The following TG variants were observed in gnomAD, a reference collection of about 807,000 sequenced individuals.
The protein encoded by TG is thyroid hormones.
In TG, 270 loss-of-function variants were observed where a neutral mutation model predicts 324.7. The observed-to-expected ratio is 0.83, with a 90% CI of 0.75 to 0.92. TG has a LOEUF of 0.92. Ranked by LOEUF, TG falls within the 40% of genes least tolerant of loss-of-function variation. TG has a pLI of 0.00. For synonymous variants in TG, 1,401 were observed against 1,327.0 expected (o/e 1.06, Z -1.21); for missense variants, 3,591 against 3,456.4 (o/e 1.04, Z -0.98).
rs2132228186 is a variant in TG at position 132,893,828 on chromosome 8, A to G, written c.2900A>G (p.Asn967Ser). The G allele has an allele frequency of 6.2e-7, 1 of 1,613,940 alleles. No homozygotes were observed. The highest frequency in any genetic ancestry group is 8.5e-7 in the Non-Finnish European group (1 of 1,179,914). The change falls in exon 11 of 48, where the codon AAT becomes AGT. Residue 967 changes from asparagine (N) to serine (S), a missense_variant. Asn to Ser is a conservative substitution (Grantham distance 46). Coordinates refer to ENST00000220616, the MANE Select transcript of TG (RefSeq NM_003235.5). ...GTGGCCAAGGGAATCCGGCTGAGGA[A>G]TGAGGACCTCGGCCTTCCTCCGCTC... ...FLVAKGIRLR[N>S]EDLGLPPLFP...
At chr8:132,977,785 C>A (rs753869567) in intron 34 of TG, among the ~76,000 whole-genome samples, 6 of 152,134 alleles carry the variant, frequency 3.9e-5, no homozygotes, top group Non-Finnish European at 8.8e-5. Context: ...ATGGGAGCTA[C>A]AAGATGAGAT....
At chr8:133,046,176 T>A (rs901594053) in intron 41 of TG, among the ~76,000 whole-genome samples, 20 of 152,314 alleles carry the variant, frequency 1.3e-4, no homozygotes, top group African/African-American at 4.6e-4. Context: ...GCTCTGGGGT[T>A]CCAGGAGTAG....
intron 34 of TG, among the ~76,000 whole-genome samples, chr8:132,982,861 CT>C (rs1364592892): frequency 6.6e-6 from 1 of 152,220 alleles, no homozygotes; most frequent in Non-Finnish European, 1.5e-5. Flanking sequence ...CACGTTTCGA[CT>C]CTCTGCTCTC....
At chr8:133,061,481 A>C (rs1842362727) in intron 41 of TG, among the ~76,000 whole-genome samples, 1 of 152,224 alleles carries the variant, frequency 6.6e-6, no homozygotes, top group Non-Finnish European at 1.5e-5. Flanking sequence ...AAAATTTCCA[A>C]GTCTGGACCT....
chr8:132,969,463 C>G lies in TG; in HGVS notation c.5869C>G (p.Leu1957Val). ...PKALFRKKVILEDKVKNFYTR... is the reference protein window; with the variant it reads ...PKALFRKKVIVEDKVKNFYTR... ...TTCTTTCTTCCTCTATGAAGTTATA[C>G]TGGAAGATAAAGTGAAGAACTTTTA... Residue 1957 changes from leucine to valine, a missense_variant, in exon 32 of 48, where the codon CTG (leucine) becomes GTG (valine). Transcript: ENST00000220616. 6.2e-7 allele frequency: 1 copy of G among 1,607,588 alleles called. No individual in the cohort carries two copies. Among genetic ancestry groups the G allele is most frequent in the South Asian group, 1.1e-5 (1 of 90,958 alleles).
chr8:133,130,778 A>G (rs1044681150), intron 45 of TG, among the ~76,000 whole-genome samples: 7 of 152,236 alleles, frequency 4.6e-5, no homozygotes, highest in Admixed American at 3.3e-4. Context: ...GTTTGTGGTA[A>G]TTTCTTAGGG....
intron 41 of TG, among the ~76,000 whole-genome samples, chr8:133,032,545 GTT>G (rs1163805597): frequency 6.6e-6 from 1 of 152,204 alleles, no homozygotes; most frequent in East Asian, 1.9e-4. Context: ...CCTTCCATCT[GTT>G]TTAGTCATTT....
intron 41 of TG, among the ~76,000 whole-genome samples, chr8:133,030,859 T>C (rs563635923): frequency 9.8e-5 from 15 of 152,306 alleles, no homozygotes; most frequent in African/African-American, 3.4e-4. Flanking sequence ...CAGGGAAAGC[T>C]TGGAGGACAG....
chr8:133,074,482 A>G (rs1027323896), intron 41 of TG, among the ~76,000 whole-genome samples: 11 of 152,194 alleles, frequency 7.2e-5, no homozygotes, highest in Non-Finnish European at 1.2e-4. Flanking sequence ...TACAGATGAG[A>G]AAATGAAGGT....
intron 41 of TG, among the ~76,000 whole-genome samples, chr8:133,054,990 C>A (rs1029551080): frequency 1.3e-5 from 2 of 152,172 alleles, no homozygotes; most frequent in Non-Finnish European, 2.9e-5. Context: ...CCCAGCCCTA[C>A]AGAAAATACG....
At chr8:132,947,971 G>C (rs1455287838) in intron 26 of TG, among the ~76,000 whole-genome samples, 1 of 152,170 alleles carries the variant, frequency 6.6e-6, no homozygotes, top group Admixed American at 6.5e-5. Flanking sequence ...TTTTTGGGTA[G>C]CTTTTTAAAA....
intron 41 of TG, among the ~76,000 whole-genome samples, chr8:133,053,979 G>A (rs1840897500): frequency 6.6e-6 from 1 of 152,146 alleles, no homozygotes; most frequent in Non-Finnish European, 1.5e-5. Flanking sequence ...AGCCAAACGG[G>A]ACAAAGTCAC....
Position 133,021,988 on chromosome 8 carries a change from C to T in TG, c.6877-3C>T. On this transcript the variant is annotated splice_region_variant and splice_polypyrimidine_tract_variant and intron_variant, in intron 39 of 47. Transcript: ENST00000220616. ...TAGCCTCATGTTTCTCCAATACCCA[C>T]AGGCCCCTAACGCGTCTGTGCTGGT... 1.9e-6 allele frequency: 3 copies of T among 1,614,142 alleles called. No individual in the cohort carries two copies. The highest frequency in any genetic ancestry group is 2.5e-6 in the Non-Finnish European group (3 of 1,180,026).
At chr8:133,082,801 C>T (rs1845955221) in intron 41 of TG, among the ~76,000 whole-genome samples, 1 of 151,428 alleles carries the variant, frequency 6.6e-6, no homozygotes, top group Non-Finnish European at 1.5e-5. Context: ...TCTATGATGC[C>T]TTAATACTTT....
intron 26 of TG, among the ~76,000 whole-genome samples, chr8:132,943,098 G>A (rs914597521): frequency 6.6e-6 from 1 of 152,130 alleles, no homozygotes; most frequent in Non-Finnish European, 1.5e-5. Context: ...GGGTATAAGA[G>A]CCCCTTGTCT....
rs546429799 is a variant in TG, at chr8:132,996,928, A to T, written c.6262+13516A>T. Among the ~76,000 whole-genome samples the T allele has an allele frequency of 2.0e-5, 3 of 152,298 alleles. No homozygotes were observed. In the East Asian group the frequency reaches 5.8e-4, roughly 29 times the overall value. ...GTGTGAGAGTGGGATGGTAGGAGGC[A>T]GACTAATGAGAGATGAAGTTGGAGA... On this transcript the variant is annotated intron_variant, in intron 35 of 47. Transcript: ENST00000220616.
intron 41 of TG, chr8:133,045,084 C>A (rs773499159): frequency 1.2e-6 from 2 of 1,614,086 alleles, no homozygotes; most frequent in African/African-American, 1.3e-5. Context: ...AATGCTTTAC[C>A]TGCCTGTGTC....
At position 132,945,993 on chromosome 8, in the gene TG, A is replaced by G. The variant is rs1882979; in HGVS notation, c.5234-2783A>G. Among the ~76,000 whole-genome samples the G allele has an allele frequency of 5.7e-3, 863 of 152,026 alleles. 8 individuals carry two copies. The highest frequency in any genetic ancestry group is 9.8e-3 in the Non-Finnish European group (663 of 67,984). ...CTTCTACATTTAATGTTCTATGATT[A>G]TGTGATGTGGATTCCTGTTAGTGTT... is the stretch of plus-strand genomic sequence containing the variant. On this transcript the variant is annotated intron_variant, in intron 26 of 47. Transcript: ENST00000220616.
At chr8:132,932,131 G>T (rs1490399834) in intron 23 of TG, among the ~76,000 whole-genome samples, 2 of 151,778 alleles carry the variant, frequency 1.3e-5, no homozygotes, top group Non-Finnish European at 2.9e-5. Context: ...TTTTGGGGGG[G>T]GTGTTCTGAA....
Sources: gnomAD v4.1 joint callset for allele counts (sites outside exome capture counted in the v4.1 genomes callset) on GRCh38, gnomAD v4.1.1 for gene constraint, MANE v1.5 for transcripts, NCBI Gene and HGNC (gene_info 2026-07-23, HGNC 2026-07-21) for gene names.